The following CNTLN variants were observed in gnomAD, a reference collection of about 807,000 sequenced individuals.
The protein encoded by CNTLN is centlein.
A neutral mutation model predicts 180.0 loss-of-function variants in CNTLN; 212 were observed. The observed-to-expected ratio is 1.18, with a 90% CI of 1.05 to 1.32. The LOEUF is 1.32. Ranked by LOEUF, CNTLN falls within the 40% of genes most tolerant of loss-of-function variation. The pLI is 0.00. For synonymous variants in CNTLN, 722 were observed against 563.1 expected, an observed-to-expected ratio of 1.28 and a Z score of -3.99; for missense variants, 2,095 against 1,610.9, an observed-to-expected ratio of 1.30 and a Z score of -5.14.
chr9:17,262,849 C>T (rs13292365), intron 5 of CNTLN, among the ~76,000 whole-genome samples: 33,853 of 151,060 alleles, frequency 0.22, 4,328 homozygotes, highest in South Asian at 0.36. Context: ...GTGGGTTTGT[C>T]GTAGATGGCT....
chr9:17,245,986 AT>A (rs1248205238), intron 5 of CNTLN, among the ~76,000 whole-genome samples: 2 of 152,020 alleles, frequency 1.3e-5, no homozygotes, highest in Admixed American at 1.3e-4. Context: ...ACTATTTTGA[AT>A]TATCTGTCTG....
At chr9:17,210,795 T>C (rs998909118) in intron 2 of CNTLN, among the ~76,000 whole-genome samples, 13 of 152,172 alleles carry the variant, frequency 8.5e-5, no homozygotes, top group Non-Finnish European at 8.8e-5. Context: ...TTGCATTTCT[T>C]TGATGGCCAG....
At chr9:17,393,177 T>C (rs1826239018) in intron 14 of CNTLN, among the ~76,000 whole-genome samples, 1 of 152,074 alleles carries the variant, frequency 6.6e-6, no homozygotes, top group Non-Finnish European at 1.5e-5. Context: ...GGGTCTCTTA[T>C]AATAGCACTA....
At chr9:17,385,921 A>G (rs1469365034) in intron 13 of CNTLN, among the ~76,000 whole-genome samples, 2 of 152,192 alleles carry the variant, frequency 1.3e-5, no homozygotes, top group East Asian at 1.9e-4. Flanking sequence ...TTATTGTATC[A>G]CAAGTACCTT....
At chr9:17,421,497 T>C (rs1013581439) in intron 18 of CNTLN, among the ~76,000 whole-genome samples, 4 of 152,108 alleles carry the variant, frequency 2.6e-5, no homozygotes, top group South Asian at 2.1e-4. Flanking sequence ...TAGTGTATCA[T>C]TGGGTCTTGT....
chr9:17,158,675 T>C (rs1819466935), intron 2 of CNTLN, among the ~76,000 whole-genome samples: 1 of 152,078 alleles, frequency 6.6e-6, no homozygotes, highest in South Asian at 2.1e-4. Flanking sequence ...GTTCATAGTA[T>C]TCCTTACATT....
Position 17,502,708 on chromosome 9 carries a change from G to C in CNTLN, c.*56G>C. On this transcript the variant is annotated 3_prime_UTR_variant, in exon 26 of 26. Coordinates refer to ENST00000380647, the MANE Select transcript of CNTLN (RefSeq NM_017738.4). ...GAAAACTTTTTATGTGGTGTGATTG[G>C]AATACATGCATTGCAATCCTGACAC... 3.2e-6 allele frequency: 2 copies of C among 615,496 alleles called. No homozygotes were observed. The highest frequency in any genetic ancestry group is 5.4e-6 in the Non-Finnish European group (2 of 367,232). The allele number at this position is 615,496 out of a possible 1,614,324, so 38.1% of individuals were successfully genotyped here.
chr9:17,380,950 AG>A (rs1825198045), intron 13 of CNTLN, among the ~76,000 whole-genome samples: 1 of 152,184 alleles, frequency 6.6e-6, no homozygotes, highest in Non-Finnish European at 1.5e-5. Flanking sequence ...GTAAACATGA[AG>A]AGCTTCTTTT....
chr9:17,379,194 C>G (rs1300255481), intron 13 of CNTLN, among the ~76,000 whole-genome samples: 3 of 152,068 alleles, frequency 2.0e-5, no homozygotes, highest in Non-Finnish European at 2.9e-5. Context: ...AGAGCATAAA[C>G]TACTACTGCA....
intron 18 of CNTLN, among the ~76,000 whole-genome samples, chr9:17,433,095 C>T (rs1028427779): frequency 1.3e-5 from 2 of 150,524 alleles, no homozygotes; most frequent in Non-Finnish European, 3.0e-5. Context: ...TTATTCTCCA[C>T]TAAATTCCTC....
At chr9:17,151,405 C>T (rs773661819) in intron 2 of CNTLN, among the ~76,000 whole-genome samples, 3 of 152,086 alleles carry the variant, frequency 2.0e-5, no homozygotes, top group Non-Finnish European at 4.4e-5. Flanking sequence ...TTGAGATAAT[C>T]GTGTGGTTTT....
In CNTLN at chr9:17,313,264, T is replaced by G. The variant is rs539672716; in HGVS notation, c.1341+4012T>G. ...GTTTATAATCCATTCTGACAATTTC[T>G]TCCTTTTCATTGCAGTGTTAATCCA... On this transcript the variant is annotated intron_variant, in intron 8 of 25. Coordinates refer to ENST00000380647, the MANE Select transcript of CNTLN (RefSeq NM_017738.4). 3.9e-5 allele frequency among the ~76,000 whole-genome samples: 6 copies of G among 152,316 alleles called. No homozygotes were observed. The East Asian group carries it at 9.6e-4, about 24-fold the overall frequency.
intron 2 of CNTLN, among the ~76,000 whole-genome samples, chr9:17,149,334 G>A (rs929650903): frequency 6.6e-6 from 1 of 151,956 alleles, no homozygotes; most frequent in African/African-American, 2.4e-5. Flanking sequence ...TACATGCCTA[G>A]TAATGGGATT....
intron 13 of CNTLN, among the ~76,000 whole-genome samples, chr9:17,380,557 G>T (rs567223902): frequency 6.6e-6 from 1 of 152,226 alleles, no homozygotes; most frequent in East Asian, 1.9e-4. Context: ...GGTTGGGGAG[G>T]GCAGCTTTCC....
Position 17,466,095 on chromosome 9 carries a change from T to C in CNTLN, c.3646T>C (p.Ser1216Pro). ...KSQYEQMYQK[S>P]KEELEKKDLK... ...ACAGTATGAACAGATGTATCAGAAA[T>C]CTAAAGAGGAGTTAGAAAAAAAGGT... Residue 1216 changes from serine to proline, a missense_variant, in exon 22 of 26, where the codon TCT (serine) becomes CCT (proline). Physicochemically the swap from Ser to Pro is moderately conservative, Grantham distance 74 (BLOSUM62 -1). Coordinates refer to ENST00000380647, the MANE Select transcript of CNTLN (RefSeq NM_017738.4). The C allele has an allele frequency of 6.2e-7, 1 of 1,604,060 alleles. No individual in the cohort carries two copies. Among genetic ancestry groups the C allele is most frequent in the Non-Finnish European group, 8.5e-7 (1 of 1,173,952 alleles).
chr9:17,182,499 G>A (rs188297391), intron 2 of CNTLN, among the ~76,000 whole-genome samples: 1 of 152,282 alleles, frequency 6.6e-6, no homozygotes, highest in African/African-American at 2.4e-5. Context: ...TGTTCTGAGG[G>A]AGGAATCAGG....
In CNTLN at chr9:17,244,985, A is replaced by G. The variant is rs535388048; in HGVS notation, c.849+8397A>G. On this transcript the variant is annotated intron_variant, in intron 5 of 25. Coordinates refer to ENST00000380647, the MANE Select transcript of CNTLN (RefSeq NM_017738.4). ...GTAACATTTTGTTCTTTTTATTTAT[A>G]TCTTATTCTACTGTATTATGTTTTG... Among the ~76,000 whole-genome samples, 3 of 152,242 alleles carry G rather than the reference A, an allele frequency of 2.0e-5. No homozygotes were observed. In the South Asian group the frequency reaches 6.2e-4, roughly 32 times the overall value.
chr9:17,217,568 G>GGTT (rs1320399950), intron 2 of CNTLN, among the ~76,000 whole-genome samples: 2 of 152,202 alleles, frequency 1.3e-5, no homozygotes, highest in Non-Finnish European at 2.9e-5. Flanking sequence ...AATCCTTGGG[G>GGTT]GCAACCCTGG....
chr9:17,239,949 T>C (rs892705809), intron 5 of CNTLN, among the ~76,000 whole-genome samples: 6 of 152,192 alleles, frequency 3.9e-5, no homozygotes, highest in Non-Finnish European at 7.3e-5. Flanking sequence ...TCTGGGTCTG[T>C]TGTATTTTCA....
Sources: gnomAD v4.1 joint callset for allele counts (sites outside exome capture counted in the v4.1 genomes callset) on GRCh38, gnomAD v4.1.1 for gene constraint, MANE v1.5 for transcripts, NCBI Gene and HGNC (gene_info 2026-07-23, HGNC 2026-07-21) for gene names.